MCC: variants seen among roughly 807,000 people sequenced by gnomAD.
MCC encodes MCC regulator of Wnt signaling pathway.
In MCC, 90 loss-of-function variants were observed where a neutral mutation model predicts 116.2. The ratio of observed to expected loss-of-function variants is 0.77; its 90% CI spans 0.65 to 0.92. The LOEUF is 0.92. Among genes scored for constraint, MCC ranks in the 40% least tolerant of loss-of-function variants. The probability of loss-of-function intolerance (pLI) is 0.00; values close to 1 mark genes in which losing one functional copy is unlikely to be tolerated. For synonymous variants in MCC, 578 were observed against 510.5 expected (o/e 1.13, Z -1.78); for missense variants, 1,516 against 1,312.2 (o/e 1.16, Z -2.40).
At chr5:113,283,739 A>T (rs1766142261) in intron 3 of MCC, among the ~76,000 whole-genome samples, 1 of 152,216 alleles carries the variant, frequency 6.6e-6, no homozygotes, top group South Asian at 2.1e-4. Context: ...AGCAATTACA[A>T]CACACCCTAA....
At position 113,025,551 on chromosome 5, in the gene MCC, CGCCACTGCACTTCA is replaced by C. The variant is rs1301247811; in HGVS notation, c.*1737_*1750del. 2.1e-5 allele frequency: 3 copies of C among 142,214 alleles called. No homozygotes were observed. Among genetic ancestry groups the C allele is most frequent in the Non-Finnish European group, 4.5e-5 (3 of 66,796 alleles). 8.8% of individuals were successfully genotyped at this position (142,214 alleles called of 1,614,324 possible). A position where few individuals can be genotyped will look rare whatever the true frequency, so the allele number is the denominator to read the frequency against. ...CAGAGGTTGCAGTGAGCCAAGATCACGCCACTGCACTTCAGCCTGGTGACGAGCAAAACTCCATC... is the reference window on the plus strand; with the variant it reads ...CAGAGGTTGCAGTGAGCCAAGATCACGCCTGGTGACGAGCAAAACTCCATC... On this transcript the variant is annotated 3_prime_UTR_variant, in exon 19 of 19. Coordinates refer to ENST00000408903, the MANE Select transcript of MCC (RefSeq NM_001085377.2).
intron 14 of MCC, among the ~76,000 whole-genome samples, chr5:113,062,757 C>A (rs1366828648): frequency 6.6e-6 from 1 of 152,222 alleles, no homozygotes; most frequent in Non-Finnish European, 1.5e-5. Flanking sequence ...TGTTTGTGGG[C>A]ACCTGGCTGA....
intron 3 of MCC, among the ~76,000 whole-genome samples, chr5:113,257,585 G>C (rs2150346845): frequency 6.6e-6 from 1 of 152,154 alleles, no homozygotes; most frequent in East Asian, 1.9e-4. Context: ...AGAAGGGAAA[G>C]AAAACTGAGG....
At chr5:113,336,760 T>C (rs561125981) in intron 3 of MCC, among the ~76,000 whole-genome samples, 1 of 152,348 alleles carries the variant, frequency 6.6e-6, no homozygotes, top group East Asian at 1.9e-4. Flanking sequence ...GATAAAACCA[T>C]GGCTGCTGTA....
chr5:113,101,438 T>C (rs1024106473), intron 8 of MCC: 9 of 339,640 alleles, frequency 2.6e-5, no homozygotes, highest in African/African-American at 1.5e-4. Context: ...AACATTTTAA[T>C]TGAGCTTAGA....
intron 16 of MCC, among the ~76,000 whole-genome samples, chr5:113,047,657 G>A (rs28642388): frequency 0.045 from 6,784 of 152,224 alleles, 526 homozygotes; most frequent in African/African-American, 0.15. Flanking sequence ...TCCTGGGTCT[G>A]AAACAAATGG....
intron 13 of MCC, 99 bp downstream of exon 13, chr5:113,067,981 T>G (rs80273957): frequency 0.01 from 10,137 of 1,008,160 alleles, 85 homozygotes; most frequent in Non-Finnish European, 0.013. Flanking sequence ...CCAAATTTTG[T>G]GTTGTCGGGA....
At chr5:113,394,369 A>C (rs941556825) in intron 1 of MCC, among the ~76,000 whole-genome samples, 2 of 152,098 alleles carry the variant, frequency 1.3e-5, no homozygotes, top group African/African-American at 2.4e-5. Context: ...CAGCCAACAA[A>C]TTCTGTTACT....
chr5:113,072,506 A>G (rs1411332478), intron 11 of MCC, among the ~76,000 whole-genome samples: 3 of 152,178 alleles, frequency 2.0e-5, no homozygotes, highest in African/African-American at 7.2e-5. Flanking sequence ...CATGTAGCCA[A>G]GCCCATCTCA....
chr5:113,118,233 T>C (rs1250134177), intron 6 of MCC, among the ~76,000 whole-genome samples: 1 of 152,212 alleles, frequency 6.6e-6, no homozygotes, highest in East Asian at 1.9e-4. Context: ...CCCTCTCTTT[T>C]AACGGCGAGC....
chr5:113,354,383 T>C (rs995559941), intron 2 of MCC, among the ~76,000 whole-genome samples: 4 of 152,132 alleles, frequency 2.6e-5, no homozygotes, highest in African/African-American at 9.7e-5. Flanking sequence ...TTAATATTGA[T>C]TGGATTTTTA....
intron 3 of MCC, among the ~76,000 whole-genome samples, chr5:113,264,558 C>T (rs915180608): frequency 7.9e-5 from 12 of 152,092 alleles, no homozygotes; most frequent in Non-Finnish European, 1.3e-4. Flanking sequence ...GTAAACACTC[C>T]CCCTTACTTC....
At chr5:113,311,740 A>G (rs1767138038) in intron 3 of MCC, among the ~76,000 whole-genome samples, 1 of 152,158 alleles carries the variant, frequency 6.6e-6, no homozygotes, top group Non-Finnish European at 1.5e-5. Context: ...TGGGAGGCTG[A>G]GGCGGGTGGA....
At chr5:113,279,696 T>C (rs1765961962) in intron 3 of MCC, among the ~76,000 whole-genome samples, 1 of 152,192 alleles carries the variant, frequency 6.6e-6, no homozygotes, top group Non-Finnish European at 1.5e-5. Context: ...TGCATTACGT[T>C]ACCATTCTCA....
chr5:113,255,727 G>T (rs1210749186), intron 3 of MCC, among the ~76,000 whole-genome samples: 4 of 152,076 alleles, frequency 2.6e-5, no homozygotes, highest in African/African-American at 9.7e-5. Flanking sequence ...TATTTACGTG[G>T]CCCCAACCAC....
intron 1 of MCC, among the ~76,000 whole-genome samples, chr5:113,441,204 G>A (rs181542350): frequency 1.1e-3 from 167 of 152,052 alleles, no homozygotes; most frequent in African/African-American, 3.9e-3. Flanking sequence ...GTTTGGTGGC[G>A]GGTGCCTGTA....
intron 3 of MCC, chr5:113,203,452 T>C (rs1762775166): frequency 1.3e-5 from 2 of 152,186 alleles, no homozygotes; most frequent in South Asian, 2.1e-4. Context: ...CCGAGACTAA[T>C]CCCTTATCAA....
chr5:113,052,489 C>T (rs975988478), intron 15 of MCC, among the ~76,000 whole-genome samples: 1 of 152,078 alleles, frequency 6.6e-6, no homozygotes, highest in African/African-American at 2.4e-5. Context: ...AGGTAAGATT[C>T]CTGTATCTGT....
At chr5:113,251,618 A>G (rs1399063746) in intron 3 of MCC, among the ~76,000 whole-genome samples, 1 of 152,222 alleles carries the variant, frequency 6.6e-6, no homozygotes, top group African/African-American at 2.4e-5. Context: ...CCCCATTACC[A>G]CAGTGAGGAA....
Sources: gnomAD v4.1 joint callset for allele counts (sites outside exome capture counted in the v4.1 genomes callset) on GRCh38, gnomAD v4.1.1 for gene constraint, MANE v1.5 for transcripts, NCBI Gene and HGNC (gene_info 2026-07-23, HGNC 2026-07-21) for gene names.